Variants in OSTF1 observed in about 807,000 individuals in gnomAD.
OSTF1 encodes osteoclast stimulating factor 1.
OSTF1 carries 27 observed loss-of-function variants against 37.2 expected under a neutral mutation model. That is an observed-to-expected ratio of 0.73 (90% CI 0.54 to 1.00). The LOEUF (loss-of-function observed/expected upper bound fraction) is 1.00, where lower values mean the gene tolerates loss of function less well. Among genes scored for constraint, OSTF1 ranks in the 50% least tolerant of loss-of-function variants. OSTF1 has a pLI of 0.00. For synonymous variants in OSTF1, 82 were observed against 89.2 expected, an observed-to-expected ratio of 0.92 and a Z score of 0.46; for missense variants, 232 against 253.8, an observed-to-expected ratio of 0.91 and a Z score of 0.58.
At chr9:75,113,214 G>T (rs1825422432) in intron 1 of OSTF1, among the ~76,000 whole-genome samples, 1 of 152,010 alleles carries the variant, frequency 6.6e-6, no homozygotes, top group African/African-American at 2.4e-5. Flanking sequence ...AAATCACACT[G>T]TTACTGTTTT....
At chr9:75,133,253 G>T in intron 5 of OSTF1, 41 bp from the exon 6 acceptor site, 1 of 1,234,726 alleles carries the variant, frequency 8.1e-7, no homozygotes, top group Admixed American at 2.0e-5. Flanking sequence ...AAAAGTGAAA[G>T]CTTTTTTTCT....
In OSTF1 at chr9:75,120,226, G is replaced by T. The variant is rs552156303; in HGVS notation, c.81+2676G>T. Among the ~76,000 whole-genome samples, 10 of 152,280 alleles carry T rather than the reference G, an allele frequency of 6.6e-5. No homozygotes were observed. In the East Asian group the frequency reaches 1.5e-3, roughly 24 times the overall value. Reference sequence around the variant, plus strand: ...ATCGTATGTCAGGGGCATCTGTACTGGGGGTTTGGACTCTAACGTAAGAAT... The same window carrying T: ...ATCGTATGTCAGGGGCATCTGTACTTGGGGTTTGGACTCTAACGTAAGAAT... On this transcript the variant is annotated intron_variant, in intron 2 of 9. Coordinates refer to ENST00000346234, the MANE Select transcript of OSTF1 (RefSeq NM_012383.5).
intron 7 of OSTF1, among the ~76,000 whole-genome samples, chr9:75,134,946 G>GAT (rs1825820313): frequency 6.6e-6 from 1 of 151,938 alleles, no homozygotes. Flanking sequence ...ATACAGTCTT[G>GAT]ATATATAATA....
chr9:75,120,277 GC>G (rs1345793615), intron 2 of OSTF1, among the ~76,000 whole-genome samples: 1 of 152,136 alleles, frequency 6.6e-6, no homozygotes, highest in Non-Finnish European at 1.5e-5. Context: ...GGCACAAAGA[GC>G]CCATAACAGG....
intron 1 of OSTF1, among the ~76,000 whole-genome samples, chr9:75,110,251 A>C (rs951261895): frequency 1.3e-5 from 2 of 152,200 alleles, no homozygotes; most frequent in African/African-American, 4.8e-5. Flanking sequence ...CTGCCTTTTC[A>C]ACTGTACCTC....
chr9:75,128,385 TATATATATATATATATA>T (rs1825695826), intron 3 of OSTF1, among the ~76,000 whole-genome samples: 4 of 90,018 alleles, frequency 4.4e-5, no homozygotes, highest in African/African-American at 1.5e-4. Context: ...TATATATATA[TATATATATATATATATA>T]TATATTTTGT....
chr9:75,101,306 G>A (rs1033732611), intron 1 of OSTF1, among the ~76,000 whole-genome samples: 1 of 152,186 alleles, frequency 6.6e-6, no homozygotes, highest in Non-Finnish European at 1.5e-5. Context: ...ATAGGAATGT[G>A]GCTCTTAGGA....
At chr9:75,095,686 G>A (rs559275763) in intron 1 of OSTF1, among the ~76,000 whole-genome samples, 4 of 152,244 alleles carry the variant, frequency 2.6e-5, no homozygotes, top group South Asian at 2.1e-4. Context: ...AGGGAAGGCC[G>A]TTTACCCAGT....
chr9:75,141,177 T>C (rs1439749438), intron 9 of OSTF1, among the ~76,000 whole-genome samples: 1 of 151,918 alleles, frequency 6.6e-6, no homozygotes, highest in Non-Finnish European at 1.5e-5. Flanking sequence ...GGTGTGGGCC[T>C]GTAGTCCCAG....
intron 1 of OSTF1, among the ~76,000 whole-genome samples, chr9:75,099,563 C>CA (rs1377951998): frequency 1.3e-5 from 2 of 152,084 alleles, no homozygotes; most frequent in African/African-American, 4.8e-5. Flanking sequence ...TGTGGTGGCT[C>CA]ACGCCTGTAA....
intron 7 of OSTF1, 77 bp from the exon 8 acceptor site, chr9:75,137,461 G>T: frequency 1.1e-6 from 1 of 950,584 alleles, no homozygotes; most frequent in Non-Finnish European, 1.7e-6. Flanking sequence ...GGTTTAACTG[G>T]GTTAAACCTG....
chr9:75,089,880 G>A (rs7020233), intron 1 of OSTF1, among the ~76,000 whole-genome samples: 21 of 152,234 alleles, frequency 1.4e-4, no homozygotes, highest in African/African-American at 5.1e-4. Context: ...TGCAGTTGGA[G>A]TATGAAGTCC....
At chr9:75,107,107 G>A (rs1008595535) in intron 1 of OSTF1, among the ~76,000 whole-genome samples, 1 of 152,024 alleles carries the variant, frequency 6.6e-6, no homozygotes, top group Non-Finnish European at 1.5e-5. Flanking sequence ...GCCAGAGGTT[G>A]AGGGGGAGCC....
chr9:75,103,719 C>T (rs978693101), intron 1 of OSTF1, among the ~76,000 whole-genome samples: 10 of 152,132 alleles, frequency 6.6e-5, no homozygotes, highest in Admixed American at 5.9e-4. Flanking sequence ...CTGCAGCTTC[C>T]ACTGCCTGGG....
At chr9:75,123,304 C>A (rs189901483) in intron 2 of OSTF1, among the ~76,000 whole-genome samples, 2 of 152,318 alleles carry the variant, frequency 1.3e-5, no homozygotes, top group Admixed American at 1.3e-4. Context: ...CACCTGTAGT[C>A]CCAGCTACTC....
chr9:75,130,192 T>C (rs111547277), intron 3 of OSTF1, among the ~76,000 whole-genome samples: 16 of 152,238 alleles, frequency 1.1e-4, no homozygotes, highest in African/African-American at 3.4e-4. Flanking sequence ...AAAATGAAGA[T>C]AATATAAAGA....
At chr9:75,094,957 G>A (rs9942949) in intron 1 of OSTF1, among the ~76,000 whole-genome samples, 3,844 of 152,172 alleles carry the variant, frequency 0.025, 161 homozygotes, top group African/African-American at 0.087. Context: ...GAGGTGGGAG[G>A]ATCACTTGAG....
At chr9:75,131,867 G>A in intron 5 of OSTF1, 44 bp downstream of exon 5, 1 of 1,444,030 alleles carries the variant, frequency 6.9e-7, no homozygotes, top group Non-Finnish European at 9.7e-7. Context: ...TACAGTAAAA[G>A]GCACGGATTT....
intron 1 of OSTF1, among the ~76,000 whole-genome samples, chr9:75,103,708 A>G (rs1251765553): frequency 6.6e-6 from 1 of 152,176 alleles, no homozygotes; most frequent in Non-Finnish European, 1.5e-5. Context: ...GTCTTGACTC[A>G]CTGCAGCTTC....
Sources: allele counts gnomAD v4.1 joint callset (sites outside exome capture counted in the v4.1 genomes callset), GRCh38; gene constraint gnomAD v4.1.1; transcripts MANE v1.5; gene names NCBI Gene and HGNC (gene_info 2026-07-23, HGNC 2026-07-21).